MALRD1: variants seen among roughly 807,000 people sequenced by gnomAD.
MALRD1 encodes the protein MAM and LDL receptor class A domain containing 1.
In MALRD1, 247 loss-of-function variants were observed where a neutral mutation model predicts 242.1. The ratio of observed to expected loss-of-function variants is 1.02; its 90% CI spans 0.92 to 1.13. The LOEUF (loss-of-function observed/expected upper bound fraction) is 1.13. Ranked by LOEUF, MALRD1 falls within the 50% of genes most tolerant of loss-of-function variation. The pLI is 0.00. For missense variants in MALRD1, 2,989 were observed against 2,533.1 expected (o/e 1.18, Z -3.86); for synonymous variants, 995 against 866.6 (o/e 1.15, Z -2.60).
chr10:19,222,696 G>C (rs1004109894), intron 18 of MALRD1, among the ~76,000 whole-genome samples: 3 of 152,094 alleles, frequency 2.0e-5, no homozygotes, highest in African/African-American at 7.2e-5. Context: ...TGTCTCTTCT[G>C]ATCCAGACTT....
At chr10:19,619,111 G>A (rs1306555794) in intron 36 of MALRD1, among the ~76,000 whole-genome samples, 1 of 152,038 alleles carries the variant, frequency 6.6e-6, no homozygotes, top group African/African-American at 2.4e-5. Context: ...AATTTCACGT[G>A]TTCTAAAAGA....
In MALRD1 at chr10:19,607,891, C is replaced by G. The variant is rs983916888; in HGVS notation, c.6059C>G (p.Ser2020Cys). 37 of 1,549,502 alleles carry G rather than the reference C, an allele frequency of 2.4e-5. No individual in the cohort carries two copies. The African/African-American group carries it at 4.9e-4, about 21-fold the overall frequency. Reference protein sequence around the residue: ...ADCMDFQLDESSCSECPLNYC... With the variant: ...ADCMDFQLDECSCSECPLNYC... ...TGCATGGATTTCCAGCTTGATGAGT[C>G]CAGCTGCTCCGGTACCCCATTTCCA... Residue 2020 changes from serine to cysteine, a missense_variant, in exon 35 of 40, where the codon TCC becomes TGC. Ser to Cys is a moderately radical substitution (Grantham distance 112). Transcript: ENST00000454679.
At chr10:19,270,255 C>A (rs1840151071) in intron 19 of MALRD1, among the ~76,000 whole-genome samples, 1 of 151,630 alleles carries the variant, frequency 6.6e-6, no homozygotes, top group South Asian at 2.1e-4. Flanking sequence ...GCAGAAGTTG[C>A]AGTGATTTGA....
chr10:19,175,175 G>A, intron 13 of MALRD1, 33 bp from the exon 14 acceptor site: 1 of 1,216,868 alleles, frequency 8.2e-7, no homozygotes, highest in Admixed American at 4.3e-5. Context: ...TTTGTGATGT[G>A]TTTTTAACAG....
intron 5 of MALRD1, among the ~76,000 whole-genome samples, chr10:19,117,522 T>G (rs1836914688): frequency 6.6e-6 from 1 of 152,190 alleles, no homozygotes; most frequent in Non-Finnish European, 1.5e-5. Flanking sequence ...TGACCAATAT[T>G]TAGTTATGTA....
At chr10:19,328,607 C>T (rs747245449) in intron 23 of MALRD1, among the ~76,000 whole-genome samples, 6 of 152,134 alleles carry the variant, frequency 3.9e-5, no homozygotes, top group Non-Finnish European at 8.8e-5. Context: ...ATCAGCTCCT[C>T]TCAACTCCAG....
chr10:19,732,358 G>A (rs1835331633), intron 39 of MALRD1, among the ~76,000 whole-genome samples: 1 of 152,112 alleles, frequency 6.6e-6, no homozygotes, highest in African/African-American at 2.4e-5. Context: ...CACCTCCTGG[G>A]TTCAAGTGAT....
chr10:19,110,981 C>T (rs1564398189), intron 5 of MALRD1, among the ~76,000 whole-genome samples: 1 of 152,170 alleles, frequency 6.6e-6, no homozygotes, highest in Non-Finnish European at 1.5e-5. Context: ...TACAAATTTA[C>T]AAACACACAT....
intron 5 of MALRD1, among the ~76,000 whole-genome samples, chr10:19,105,172 C>G (rs1238895587): frequency 6.6e-6 from 1 of 152,032 alleles, no homozygotes; most frequent in African/African-American, 2.4e-5. Flanking sequence ...ACCGTCCATG[C>G]TATCCTCCCC....
chr10:19,627,848 G>A (rs537545610), intron 36 of MALRD1, among the ~76,000 whole-genome samples: 2 of 150,428 alleles, frequency 1.3e-5, no homozygotes, highest in South Asian at 4.2e-4. Context: ...CAACAGCTAG[G>A]GATTAGTCAT....
intron 36 of MALRD1, among the ~76,000 whole-genome samples, chr10:19,627,611 A>T (rs1164439464): frequency 6.6e-6 from 1 of 151,726 alleles, no homozygotes. Context: ...AATACAAAAA[A>T]TTAACCAGGC....
intron 32 of MALRD1, among the ~76,000 whole-genome samples, chr10:19,533,655 A>C (rs1259443354): frequency 2.0e-5 from 3 of 152,142 alleles, no homozygotes; most frequent in Non-Finnish European, 2.9e-5. Flanking sequence ...GAGGCAAAAG[A>C]GGGAGGTGCT....
intron 19 of MALRD1, among the ~76,000 whole-genome samples, chr10:19,268,136 T>C (rs1293635091): frequency 6.6e-6 from 1 of 152,128 alleles, no homozygotes; most frequent in Non-Finnish European, 1.5e-5. Context: ...ACTTCAGTCA[T>C]TTGTAGTCAC....
chr10:19,125,377 CT>C (rs1246053820), intron 7 of MALRD1, among the ~76,000 whole-genome samples: 2 of 98,310 alleles, frequency 2.0e-5, no homozygotes, highest in South Asian at 3.5e-4. Flanking sequence ...TTCTTTCTTT[CT>C]TTCCTTCCTT....
chr10:19,100,079 A>G lies in MALRD1; in HGVS notation c.598-3900A>G, dbSNP rs116354987. On this transcript the variant is annotated intron_variant, in intron 4 of 39. Coordinates refer to ENST00000454679, the MANE Select transcript of MALRD1 (RefSeq NM_001142308.3). ...ATAATAAATTTTTTTCTTTTTTTTA[A>G]TCATCCTGGGGTTCCACTTTCTTTA... Among the ~76,000 whole-genome samples the G allele has an allele frequency of 1.4e-3, 213 of 152,030 alleles. 1 individual carries two copies. The highest frequency in any genetic ancestry group is 4.7e-3 in the African/African-American group (196 of 41,490).
intron 30 of MALRD1, among the ~76,000 whole-genome samples, chr10:19,494,343 G>T (rs1298187742): frequency 6.6e-6 from 1 of 152,186 alleles, no homozygotes; most frequent in Non-Finnish European, 1.5e-5. Flanking sequence ...AAGAACCAGT[G>T]AAAGAACTCT....
chr10:19,152,638 CTAAGA>C (rs1337611379), intron 11 of MALRD1, among the ~76,000 whole-genome samples: 3 of 152,106 alleles, frequency 2.0e-5, no homozygotes, highest in Admixed American at 2.0e-4. Context: ...AAACTTACTG[CTAAGA>C]TAAGATAAGT....
chr10:19,637,739 C>G (rs1477989312), intron 36 of MALRD1, among the ~76,000 whole-genome samples: 1 of 152,024 alleles, frequency 6.6e-6, no homozygotes, highest in African/African-American at 2.4e-5. Flanking sequence ...TTCCCAAAAC[C>G]AGTTTGAGAT....
chr10:19,499,870 T>C (rs1837891988), intron 31 of MALRD1, among the ~76,000 whole-genome samples: 2 of 152,210 alleles, frequency 1.3e-5, no homozygotes. Context: ...TCATTCTTGT[T>C]TTAAAGATTT....
Sources: gnomAD v4.1 joint callset for allele counts (sites outside exome capture counted in the v4.1 genomes callset) on GRCh38, gnomAD v4.1.1 for gene constraint, MANE v1.5 for transcripts, NCBI Gene and HGNC (gene_info 2026-07-23, HGNC 2026-07-21) for gene names.